The following FAM227B variants were observed in gnomAD, a reference collection of about 807,000 sequenced individuals.
FAM227B encodes the protein family with sequence similarity 227 member B.
In FAM227B, 88 loss-of-function variants were observed where a neutral mutation model predicts 73.8. That is an observed-to-expected ratio of 1.19 (90% CI 1.00 to 1.42). The LOEUF is 1.42. Ranked by LOEUF, FAM227B falls within the 40% of genes most tolerant of loss-of-function variation. The probability of loss-of-function intolerance (pLI) is 0.00; values close to 1 mark genes in which losing one functional copy is unlikely to be tolerated. For missense variants in FAM227B, 632 were observed against 590.9 expected, an observed-to-expected ratio of 1.07 and a Z score of -0.72; for synonymous variants, 210 against 190.5, an observed-to-expected ratio of 1.10 and a Z score of -0.84.
chr15:49,556,357 T>G (rs918272668), intron 9 of FAM227B, among the ~76,000 whole-genome samples: 1 of 152,204 alleles, frequency 6.6e-6, no homozygotes, highest in East Asian at 1.9e-4. Context: ...AGCTCAGCAC[T>G]CCTGGGCAGG....
intron 11 of FAM227B, among the ~76,000 whole-genome samples, chr15:49,383,711 G>T (rs1272981210): frequency 6.6e-6 from 1 of 152,020 alleles, no homozygotes; most frequent in East Asian, 1.9e-4. Flanking sequence ...ACAGATGACG[G>T]ACATAAGAAG....
chr15:49,466,868 C>A (rs1567332621), intron 11 of FAM227B, among the ~76,000 whole-genome samples: 1 of 151,998 alleles, frequency 6.6e-6, no homozygotes, highest in Non-Finnish European at 1.5e-5. Flanking sequence ...ACTTTCATTT[C>A]TGTGAAAAAA....
intron 11 of FAM227B, among the ~76,000 whole-genome samples, chr15:49,404,581 A>G (rs1264858258): frequency 6.6e-6 from 1 of 151,412 alleles, no homozygotes; most frequent in African/African-American, 2.4e-5. Context: ...TTAGGATTGC[A>G]ACTCCTTTTT....
chr15:49,366,801 C>A, intron 13 of FAM227B: 1 of 568,196 alleles, frequency 1.8e-6, no homozygotes, highest in Non-Finnish European at 3.0e-6. Context: ...CTGGGATCGC[C>A]GCTGCTGCAG....
At chr15:49,466,973 T>C (rs1414799606) in intron 11 of FAM227B, among the ~76,000 whole-genome samples, 3 of 152,170 alleles carry the variant, frequency 2.0e-5, no homozygotes, top group Non-Finnish European at 1.5e-5. Flanking sequence ...AAAATGACTT[T>C]AAATCGTGCT....
intron 13 of FAM227B, among the ~76,000 whole-genome samples, chr15:49,351,767 G>T (rs974669429): frequency 8.5e-5 from 13 of 152,208 alleles, no homozygotes; most frequent in African/African-American, 2.9e-4. Context: ...CTATAAGGGA[G>T]GTCTGAAGCT....
At chr15:49,395,666 G>A (rs1435267762) in intron 11 of FAM227B, among the ~76,000 whole-genome samples, 1 of 152,216 alleles carries the variant, frequency 6.6e-6, no homozygotes, top group Non-Finnish European at 1.5e-5. Context: ...GTTATGTGGT[G>A]TTTTGAAAGG....
intron 11 of FAM227B, among the ~76,000 whole-genome samples, chr15:49,432,826 T>C (rs1462089110): frequency 6.6e-6 from 1 of 151,566 alleles, no homozygotes; most frequent in East Asian, 1.9e-4. Flanking sequence ...CTTTCTGAGT[T>C]CTGAGCAGAT....
intron 3 of FAM227B, among the ~76,000 whole-genome samples, chr15:49,593,184 G>T (rs919113121): frequency 3.3e-5 from 5 of 152,086 alleles, no homozygotes; most frequent in African/African-American, 1.2e-4. Context: ...CACCTCCGAG[G>T]GCTGCACCCT....
intron 1 of FAM227B, among the ~76,000 whole-genome samples, chr15:49,619,455 G>A (rs184534928): frequency 2.0e-4 from 30 of 152,294 alleles, no homozygotes; most frequent in Admixed American, 1.8e-3. Context: ...AAGCTAAGAA[G>A]TCTGACTACC....
intron 5 of FAM227B, among the ~76,000 whole-genome samples, chr15:49,581,554 G>A (rs898135755): frequency 2.6e-5 from 4 of 152,076 alleles, no homozygotes; most frequent in Non-Finnish European, 4.4e-5. Flanking sequence ...TTGAACTCAT[G>A]TGATCTACCT....
intron 11 of FAM227B, among the ~76,000 whole-genome samples, chr15:49,466,329 A>G (rs545076648): frequency 2.0e-5 from 3 of 152,310 alleles, no homozygotes; most frequent in South Asian, 2.1e-4. Flanking sequence ...AGAGCATTCT[A>G]TGTAATTCCA....
intron 3 of FAM227B, among the ~76,000 whole-genome samples, chr15:49,602,782 C>T (rs2077285615): frequency 6.6e-6 from 1 of 152,042 alleles, no homozygotes; most frequent in African/African-American, 2.4e-5. Context: ...GTTTGAGATC[C>T]TAAATTTAAG....
intron 11 of FAM227B, among the ~76,000 whole-genome samples, chr15:49,439,650 G>A (rs182452124): frequency 1.2e-3 from 182 of 151,900 alleles, no homozygotes; most frequent in African/African-American, 4.1e-3. Context: ...AGCCTGAGAA[G>A]TAGATAGCTT....
intron 10 of FAM227B, among the ~76,000 whole-genome samples, chr15:49,522,587 G>A (rs1485335546): frequency 6.6e-6 from 1 of 151,856 alleles, no homozygotes; most frequent in Non-Finnish European, 1.5e-5. Flanking sequence ...ATATTTTAAG[G>A]AACCAACAGA....
intron 11 of FAM227B, among the ~76,000 whole-genome samples, chr15:49,378,307 T>C (rs993090295): frequency 1.3e-5 from 2 of 152,048 alleles, no homozygotes; most frequent in African/African-American, 2.4e-5. Context: ...CTTGGTGTTC[T>C]TTTAGGATTT....
chr15:49,402,665 A>G (rs1405525007), intron 11 of FAM227B, among the ~76,000 whole-genome samples: 2 of 152,226 alleles, frequency 1.3e-5, no homozygotes, highest in Non-Finnish European at 2.9e-5. Flanking sequence ...GTTGTTTATC[A>G]GCTTAAGAAG....
At chr15:49,417,161 G>C (rs1210563294) in intron 11 of FAM227B, among the ~76,000 whole-genome samples, 2 of 152,254 alleles carry the variant, frequency 1.3e-5, no homozygotes, top group African/African-American at 4.8e-5. Context: ...GGAAGCCCAG[G>C]TAGGCAGACT....
intron 13 of FAM227B, chr15:49,366,506 G>A (rs1358696805): frequency 1.2e-5 from 16 of 1,316,476 alleles, no homozygotes; most frequent in African/African-American, 1.4e-5. Context: ...ACTAATGGAA[G>A]TTGCATTTTC....
Sources: gnomAD v4.1 joint callset for allele counts (sites outside exome capture counted in the v4.1 genomes callset) on GRCh38, gnomAD v4.1.1 for gene constraint, MANE v1.5 for transcripts, NCBI Gene and HGNC (gene_info 2026-07-23, HGNC 2026-07-21) for gene names.